TCF4: variants seen among roughly 807,000 people sequenced by gnomAD.
TCF4 encodes SL3-3 enhancer factor 2.
TCF4 carries 3 observed loss-of-function variants against 82.1 expected under a neutral mutation model. The observed-to-expected ratio is 0.04, with a 90% CI of 0.02 to 0.09. The LOEUF is 0.09. Among genes scored for constraint, TCF4 ranks in the 10% least tolerant of loss-of-function variants. TCF4 has a pLI of 1.00. For missense variants in TCF4, 518 were observed against 852.7 expected (o/e 0.61, Z 4.89); for synonymous variants, 276 against 309.6 (o/e 0.89, Z 1.14).
At chr18:55,471,099 T>A (rs1354858772) in intron 3 of TCF4, among the ~76,000 whole-genome samples, 3 of 152,180 alleles carry the variant, frequency 2.0e-5, no homozygotes, top group African/African-American at 7.2e-5. Context: ...AAATATTTCA[T>A]CAGCAAAGAG....
Position 55,225,182 on chromosome 18 carries a change from G to A in TCF4, c.*2853C>T, listed in dbSNP as rs569271560. 9.8e-5 allele frequency: 15 copies of A among 152,546 alleles called. No individual in the cohort carries two copies. Among genetic ancestry groups the A allele is most frequent in the African/African-American group, 3.4e-4 (14 of 41,528 alleles). The allele number at this position is 152,546 out of a possible 1,614,324, so 9.4% of individuals were successfully genotyped here. On this transcript the variant is annotated 3_prime_UTR_variant, in exon 20 of 20. Coordinates refer to ENST00000354452, the MANE Select transcript of TCF4 (RefSeq NM_001083962.2). ...AGCGAGCAGCTTTCAGTGGCCGTTA[G>A]AATTTTCACTTATTTCCAAAGGGAA...
chr18:55,561,575 TG>T (rs2097355425), intron 3 of TCF4, among the ~76,000 whole-genome samples: 1 of 152,216 alleles, frequency 6.6e-6, no homozygotes, highest in Non-Finnish European at 1.5e-5. Context: ...TATCTAGTGA[TG>T]TATTTATACC....
chr18:55,533,387 G>A (rs372777038), intron 3 of TCF4, among the ~76,000 whole-genome samples: 2 of 152,032 alleles, frequency 1.3e-5, no homozygotes, highest in East Asian at 1.9e-4. Context: ...AACAGACCAC[G>A]GGGACCCATA....
In TCF4 at chr18:55,350,724, G is replaced by C. The variant is rs539875369; in HGVS notation, c.499+150C>G. 9.8e-6 allele frequency: 10 copies of C among 1,016,898 alleles called. No individual in the cohort carries two copies. In the East Asian group the frequency reaches 2.6e-4, roughly 26 times the overall value. 63.0% of individuals were successfully genotyped at this position (1,016,898 alleles called of 1,614,324 possible). A position where few individuals can be genotyped will look rare whatever the true frequency, so the allele number is the denominator to read the frequency against. On this transcript the variant is annotated intron_variant, in intron 7 of 19. Transcript: ENST00000354452. ...GTTAACGTACCTACTCAGTGTACTA[G>C]GGGGGAAGTCTCCAGGCTGACAACT...
At chr18:55,295,013 T>C (rs1221250776) in intron 8 of TCF4, among the ~76,000 whole-genome samples, 1 of 152,126 alleles carries the variant, frequency 6.6e-6, no homozygotes, top group East Asian at 1.9e-4. Flanking sequence ...TCATCTTTGA[T>C]GGTGTTTCCT....
intron 9 of TCF4, among the ~76,000 whole-genome samples, chr18:55,278,293 C>T (rs1332839331): frequency 6.6e-6 from 1 of 152,138 alleles, no homozygotes; most frequent in Non-Finnish European, 1.5e-5. Flanking sequence ...AGAAGGAAAC[C>T]CCATGGCCCG....
intron 2 of TCF4, among the ~76,000 whole-genome samples, chr18:55,622,431 C>T (rs911304062): frequency 1.3e-5 from 2 of 149,982 alleles, no homozygotes; most frequent in African/African-American, 2.5e-5. Context: ...CGCTTGAACC[C>T]GAGGCAGAGG....
chr18:55,544,134 C>T (rs1012209861), intron 3 of TCF4, among the ~76,000 whole-genome samples: 1 of 152,174 alleles, frequency 6.6e-6, no homozygotes. Flanking sequence ...TACAAGAGTG[C>T]TGACGACATG....
At chr18:55,236,449 C>G (rs1398865830) in intron 15 of TCF4, among the ~76,000 whole-genome samples, 2 of 148,714 alleles carry the variant, frequency 1.3e-5, no homozygotes, top group Non-Finnish European at 3.0e-5. Context: ...GCGTTAAGTA[C>G]AAACCTTTTT....
At chr18:55,325,289 GAA>G (rs1360608116) in intron 8 of TCF4, among the ~76,000 whole-genome samples, 3 of 152,078 alleles carry the variant, frequency 2.0e-5, no homozygotes, top group African/African-American at 7.2e-5. Context: ...AGAAAATTGA[GAA>G]AAGAGAGAAA....
At chr18:55,374,458 G>A (rs1480461815) in intron 6 of TCF4, among the ~76,000 whole-genome samples, 1 of 151,858 alleles carries the variant, frequency 6.6e-6, no homozygotes, top group Non-Finnish European at 1.5e-5. Flanking sequence ...AAATAGATAA[G>A]GAGTTTTTTA....
At chr18:55,509,246 G>C (rs776914671) in intron 3 of TCF4, among the ~76,000 whole-genome samples, 19 of 152,068 alleles carry the variant, frequency 1.2e-4, no homozygotes, top group Non-Finnish European at 1.9e-4. Context: ...AAAAAACTTT[G>C]ATATAATCTA....
intron 3 of TCF4, among the ~76,000 whole-genome samples, chr18:55,549,394 G>A (rs995078051): frequency 2.0e-5 from 3 of 151,400 alleles, no homozygotes; most frequent in Non-Finnish European, 4.4e-5. Context: ...CTTAACTCTT[G>A]TAAAACTTTT....
At chr18:55,420,852 A>G (rs1051212974) in intron 5 of TCF4, among the ~76,000 whole-genome samples, 6 of 151,900 alleles carry the variant, frequency 3.9e-5, no homozygotes, top group African/African-American at 1.5e-4. Context: ...CCCCAAATTC[A>G]GATTTGGGGG....
chr18:55,586,354 T>A, intron 2 of TCF4: 1 of 609,598 alleles, frequency 1.6e-6, no homozygotes, highest in Non-Finnish European at 2.9e-6. Context: ...TTCATTCTCC[T>A]GACATGTCTG....
rs980095153 is a variant in TCF4, at chr18:55,326,124, A to C, written c.549+24235T>G. Among the ~76,000 whole-genome samples, 9 of 152,318 alleles carry C rather than the reference A, an allele frequency of 5.9e-5. No individual in the cohort carries two copies. The South Asian group carries it at 1.9e-3, about 32-fold the overall frequency. ...CAAAAGCTACTAAGACACTGGAATC[A>C]GGGTGTGAGCAAAGTTATTAAATCA... is the stretch of plus-strand genomic sequence containing the variant. On this transcript the variant is annotated intron_variant, in intron 8 of 19. Coordinates refer to ENST00000354452, the MANE Select transcript of TCF4 (RefSeq NM_001083962.2).
At chr18:55,443,737 A>G (rs150447139) in intron 5 of TCF4, among the ~76,000 whole-genome samples, 1 of 152,326 alleles carries the variant, frequency 6.6e-6, no homozygotes, top group African/African-American at 2.4e-5. Context: ...CTTTCTCTCC[A>G]GAAAGAGATA....
At chr18:55,473,794 G>T (rs1218770356) in intron 3 of TCF4, among the ~76,000 whole-genome samples, 2 of 152,122 alleles carry the variant, frequency 1.3e-5, no homozygotes, top group Non-Finnish European at 2.9e-5. Context: ...ATCAAAGCAG[G>T]TTGACATAAC....
At chr18:55,583,333 G>GTGTGTA (rs1276373404) in intron 3 of TCF4, among the ~76,000 whole-genome samples, 2 of 152,028 alleles carry the variant, frequency 1.3e-5, no homozygotes, top group Non-Finnish European at 1.5e-5. Flanking sequence ...ATGAACATAT[G>GTGTGTA]TGTGTATGTG....
Sources: gnomAD v4.1 joint callset for allele counts (sites outside exome capture counted in the v4.1 genomes callset) on GRCh38, gnomAD v4.1.1 for gene constraint, MANE v1.5 for transcripts, NCBI Gene and HGNC (gene_info 2026-07-23, HGNC 2026-07-21) for gene names.